The following PDE4B variants were observed in gnomAD, a reference collection of about 807,000 sequenced individuals.
PDE4B encodes the protein 3',5'-cyclic-AMP phosphodiesterase 4B.
In PDE4B, 20 loss-of-function variants were observed where a neutral mutation model predicts 82.2. The ratio of observed to expected loss-of-function variants is 0.24; its 90% CI spans 0.17 to 0.35. The LOEUF is 0.35. Ranked by LOEUF, PDE4B falls within the 10% of genes least tolerant of loss-of-function variation. PDE4B has a pLI of 1.00. For missense variants in PDE4B, 655 were observed against 907.2 expected, an observed-to-expected ratio of 0.72 and a Z score of 3.57; for synonymous variants, 320 against 318.9, an observed-to-expected ratio of 1.00 and a Z score of -0.04.
At chr1:66,138,742 C>T (rs1646110838) in intron 3 of PDE4B, among the ~76,000 whole-genome samples, 2 of 152,176 alleles carry the variant, frequency 1.3e-5, no homozygotes, top group South Asian at 2.1e-4. Context: ...TTTATGTGCA[C>T]ATATATAAAA....
At chr1:65,821,263 A>T (rs1308855158) in intron 1 of PDE4B, among the ~76,000 whole-genome samples, 1 of 152,250 alleles carries the variant, frequency 6.6e-6, no homozygotes, top group East Asian at 1.9e-4. Flanking sequence ...TTAAGGTTGC[A>T]GGAGAGTAAT....
chr1:66,332,748 T>G, intron 8 of PDE4B, 128 bp downstream of exon 8: 1 of 745,864 alleles, frequency 1.3e-6, no homozygotes, highest in South Asian at 1.9e-5. Flanking sequence ...TTGCTTTGTC[T>G]AGAAGATTCT....
In PDE4B at chr1:65,796,897, C is replaced by T. The variant is rs1467094836; in HGVS notation, c.-71+3649C>T. Among the ~76,000 whole-genome samples the T allele has an allele frequency of 2.6e-5, 4 of 151,952 alleles. No homozygotes were observed. The South Asian group carries it at 6.2e-4, about 24-fold the overall frequency. ...ATCTCCTGACCTCATGATCTGCCTGCCTCAGCCTCCCAAAGTGCTGGGATT... is the reference window on the plus strand; with the variant it reads ...ATCTCCTGACCTCATGATCTGCCTGTCTCAGCCTCCCAAAGTGCTGGGATT... On this transcript the variant is annotated intron_variant, in intron 1 of 16. Transcript: ENST00000341517.
chr1:66,133,715 C>T (rs1021671273), intron 3 of PDE4B, among the ~76,000 whole-genome samples: 2 of 152,170 alleles, frequency 1.3e-5, no homozygotes, highest in Non-Finnish European at 2.9e-5. Context: ...TTCCTTTGAT[C>T]CTCTCTGCCT....
intron 8 of PDE4B, 99 bp downstream of exon 8, chr1:66,332,719 A>T (rs1660218638): frequency 1.1e-6 from 1 of 881,108 alleles, no homozygotes; most frequent in Non-Finnish European, 1.7e-6. Flanking sequence ...GAATGCTACC[A>T]ACTCTAAGAA....
At chr1:66,285,313 T>G (rs1656597516) in intron 7 of PDE4B, among the ~76,000 whole-genome samples, 1 of 152,174 alleles carries the variant, frequency 6.6e-6, no homozygotes, top group African/African-American at 2.4e-5. Flanking sequence ...AACACAAATG[T>G]TATTAGCAGC....
intron 3 of PDE4B, among the ~76,000 whole-genome samples, chr1:65,928,452 T>A (rs1647643133): frequency 6.6e-6 from 1 of 152,182 alleles, no homozygotes; most frequent in African/African-American, 2.4e-5. Context: ...TTGCCTCTGC[T>A]GTCCAATAAG....
At chr1:66,356,836 C>A (rs948412384) in intron 9 of PDE4B, among the ~76,000 whole-genome samples, 1 of 152,194 alleles carries the variant, frequency 6.6e-6, no homozygotes, top group Non-Finnish European at 1.5e-5. Flanking sequence ...GTCTGCAGCA[C>A]TTGATTTTCT....
At chr1:65,943,590 A>ATAG (rs1648553365) in intron 3 of PDE4B, among the ~76,000 whole-genome samples, 1 of 152,016 alleles carries the variant, frequency 6.6e-6, no homozygotes, top group South Asian at 2.1e-4. Context: ...ATCACTTTGG[A>ATAG]TAGTATGGAC....
intron 3 of PDE4B, among the ~76,000 whole-genome samples, chr1:66,013,407 T>C (rs2100745498): frequency 1.3e-5 from 2 of 152,268 alleles, no homozygotes; most frequent in South Asian, 4.1e-4. Flanking sequence ...TGCTTTGGAT[T>C]CTACATTTTC....
intron 3 of PDE4B, among the ~76,000 whole-genome samples, chr1:66,030,037 G>GGTT (rs373619429): frequency 1.4e-5 from 2 of 144,366 alleles, no homozygotes; most frequent in African/African-American, 5.1e-5. Context: ...TCTGTTGAGG[G>GGTT]TTTTTTTTTT....
At chr1:66,127,925 G>A (rs1322855075) in intron 3 of PDE4B, among the ~76,000 whole-genome samples, 1 of 151,988 alleles carries the variant, frequency 6.6e-6, no homozygotes, top group Non-Finnish European at 1.5e-5. Flanking sequence ...GACTTTGATT[G>A]GGGGATTTTC....
chr1:65,963,588 C>T (rs1382238193), intron 3 of PDE4B, among the ~76,000 whole-genome samples: 2 of 152,184 alleles, frequency 1.3e-5, no homozygotes, highest in Non-Finnish European at 2.9e-5. Flanking sequence ...TGATTGTTGT[C>T]AGCTTATCAT....
At position 66,257,699 on chromosome 1, in the gene PDE4B, G is replaced by T; in HGVS notation, c.513+16G>T. On this transcript the variant is annotated intron_variant, in intron 5 of 16. Transcript: ENST00000341517. ...TTTTGCCCAGGTATGTATTATGCTGGCCCTGGCTTGCTTTCACTGTCGCTG... is the reference window on the plus strand; with the variant it reads ...TTTTGCCCAGGTATGTATTATGCTGTCCCTGGCTTGCTTTCACTGTCGCTG... The T allele has an allele frequency of 6.2e-7, 1 of 1,612,932 alleles. No homozygotes were observed. The highest frequency in any genetic ancestry group is 1.1e-5 in the South Asian group (1 of 91,032).
chr1:66,328,318 C>T (rs1002262881), intron 7 of PDE4B, among the ~76,000 whole-genome samples: 5 of 152,146 alleles, frequency 3.3e-5, no homozygotes, highest in Admixed American at 2.0e-4. Flanking sequence ...TTTTTGAAAG[C>T]GAAGTTCAAC....
chr1:66,249,414 A>G (rs1164226631), intron 4 of PDE4B, among the ~76,000 whole-genome samples: 1 of 152,216 alleles, frequency 6.6e-6, no homozygotes, highest in Non-Finnish European at 1.5e-5. Context: ...GCCAAACGGC[A>G]GGAAGAATCT....
At chr1:66,173,517 A>G (rs796526279) in intron 3 of PDE4B, among the ~76,000 whole-genome samples, 3 of 152,324 alleles carry the variant, frequency 2.0e-5, no homozygotes, top group East Asian at 1.9e-4. Context: ...GAATTTACCT[A>G]TAGTCTTTGA....
chr1:66,324,844 T>C (rs1659636764), intron 7 of PDE4B, among the ~76,000 whole-genome samples: 2 of 152,216 alleles, frequency 1.3e-5, no homozygotes, highest in African/African-American at 2.4e-5. Flanking sequence ...ATTTGTTCCA[T>C]AGATACTTTA....
intron 7 of PDE4B, among the ~76,000 whole-genome samples, chr1:66,287,798 T>C (rs935053941): frequency 2.6e-5 from 4 of 152,016 alleles, no homozygotes; most frequent in Non-Finnish European, 4.4e-5. Context: ...CAAGACCTTA[T>C]ACCTACAAAA....
Sources: allele counts gnomAD v4.1 joint callset (sites outside exome capture counted in the v4.1 genomes callset), GRCh38; gene constraint gnomAD v4.1.1; transcripts MANE v1.5; gene names NCBI Gene and HGNC (gene_info 2026-07-23, HGNC 2026-07-21).